The following SUPT3H variants were observed in gnomAD, a reference collection of about 807,000 sequenced individuals.
SUPT3H encodes the protein SPT3 homolog, SAGA and STAGA complex component.
A neutral mutation model predicts 44.3 loss-of-function variants in SUPT3H; 44 were observed. The observed-to-expected ratio is 0.99, with a 90% confidence interval of 0.78 to 1.28. SUPT3H has a LOEUF of 1.28. SUPT3H is among the 50% of genes most tolerant of loss of function. The pLI, the probability that SUPT3H is intolerant of heterozygous loss-of-function variation, is 0.00. For synonymous variants in SUPT3H, 124 were observed against 125.6 expected, an observed-to-expected ratio of 0.99 and a Z score of 0.09; for missense variants, 380 against 387.1, an observed-to-expected ratio of 0.98 and a Z score of 0.15.
chr6:45,293,035 T>C (rs1225117232), intron 2 of SUPT3H, among the ~76,000 whole-genome samples: 1 of 152,078 alleles, frequency 6.6e-6, no homozygotes, highest in East Asian at 2.0e-4. Context: ...AGAATATACA[T>C]TCTATTCAAC....
intron 7 of SUPT3H, among the ~76,000 whole-genome samples, chr6:44,961,149 C>A (rs571671338): frequency 2.1e-4 from 32 of 152,174 alleles, no homozygotes; most frequent in African/African-American, 3.4e-4. Context: ...CTCACTATTA[C>A]GAGTCATTAT....
At chr6:45,183,251 G>A (rs183934637) in intron 2 of SUPT3H, among the ~76,000 whole-genome samples, 1 of 152,264 alleles carries the variant, frequency 6.6e-6, no homozygotes, top group East Asian at 1.9e-4. Context: ...CTTATATAAA[G>A]TATCTAGAAT....
chr6:44,895,717 C>A (rs188366729), intron 10 of SUPT3H, among the ~76,000 whole-genome samples: 115 of 152,070 alleles, frequency 7.6e-4, no homozygotes, highest in African/African-American at 2.7e-3. Flanking sequence ...TATGCACTTA[C>A]CCAGGGCAGA....
intron 3 of SUPT3H, among the ~76,000 whole-genome samples, chr6:45,040,964 C>T (rs375049662): frequency 6.6e-6 from 1 of 152,082 alleles, no homozygotes; most frequent in Non-Finnish European, 1.5e-5. Context: ...CAAATCTCAC[C>T]AGAGAACTGG....
chr6:45,302,514 A>AATATATATATATATATATAT (rs10524207), intron 2 of SUPT3H, among the ~76,000 whole-genome samples: 1 of 105,392 alleles, frequency 9.5e-6, no homozygotes, highest in Non-Finnish European at 1.9e-5. Flanking sequence ...GTATCTCAGG[A>AATATATATATATATATATAT]ATATATATAT....
chr6:45,306,903 A>G (rs762351396), intron 2 of SUPT3H, among the ~76,000 whole-genome samples: 1 of 152,210 alleles, frequency 6.6e-6, no homozygotes, highest in African/African-American at 2.4e-5. Flanking sequence ...AAGCTGGAAA[A>G]TCAGGTCACT....
chr6:44,855,987 T>C (rs1773655242), intron 10 of SUPT3H, among the ~76,000 whole-genome samples: 1 of 152,206 alleles, frequency 6.6e-6, no homozygotes, highest in African/African-American at 2.4e-5. Context: ...TCTGCTACTT[T>C]ATGAGTAAAA....
chr6:45,328,157 GAGAA>G, intron 2 of SUPT3H: 2 of 683,626 alleles, frequency 2.9e-6, no homozygotes, highest in Middle Eastern at 5.5e-4. Context: ...CCTTTTGTGA[GAGAA>G]AGAGAGAGAG....
chr6:45,100,562 A>AAAAAAAAAAAAAAAC (rs1412317865), intron 3 of SUPT3H, among the ~76,000 whole-genome samples: 2 of 149,322 alleles, frequency 1.3e-5, no homozygotes, highest in African/African-American at 4.9e-5. Flanking sequence ...AAAAAAAAAA[A>AAAAAAAAAAAAAAAC]AAGACACACA....
In SUPT3H at chr6:45,062,004, A is replaced by G. The variant is rs1316350675; in HGVS notation, c.187-41372T>C. Among the ~76,000 whole-genome samples the G allele has an allele frequency of 2.0e-5, 3 of 150,002 alleles. No individual in the cohort carries two copies. In the East Asian group the frequency reaches 5.9e-4, roughly 30 times the overall value. ...CACTAAAACACACACTATTAAAATTAGTGTTATTTAATATCCAAATTTTCT... is the reference window on the plus strand; with the variant it reads ...CACTAAAACACACACTATTAAAATTGGTGTTATTTAATATCCAAATTTTCT... On this transcript the variant is annotated intron_variant, in intron 3 of 10. Coordinates refer to ENST00000371459, the MANE Select transcript of SUPT3H (RefSeq NM_003599.4).
chr6:45,180,018 G>C (rs1376737440), intron 2 of SUPT3H, among the ~76,000 whole-genome samples: 1 of 151,886 alleles, frequency 6.6e-6, no homozygotes, highest in Non-Finnish European at 1.5e-5. Context: ...CTTCAGCAAA[G>C]TCTCAGGATA....
intron 3 of SUPT3H, among the ~76,000 whole-genome samples, chr6:45,042,140 T>C (rs761851513): frequency 2.0e-5 from 3 of 152,280 alleles, no homozygotes; most frequent in Non-Finnish European, 4.4e-5. Flanking sequence ...CCATTCAGTC[T>C]GGCTGGGCGT....
intron 2 of SUPT3H, among the ~76,000 whole-genome samples, chr6:45,261,868 G>C (rs1284484241): frequency 2.0e-5 from 3 of 151,988 alleles, no homozygotes; most frequent in Admixed American, 6.6e-5. Flanking sequence ...CTGGTAAACA[G>C]GGTCAGTAAA....
chr6:44,985,528 G>T (rs1254757440), intron 6 of SUPT3H, among the ~76,000 whole-genome samples: 1 of 152,102 alleles, frequency 6.6e-6, no homozygotes, highest in Non-Finnish European at 1.5e-5. Context: ...TGGTGGTTAG[G>T]TTCCCAAGTA....
intron 10 of SUPT3H, among the ~76,000 whole-genome samples, chr6:44,857,060 C>A (rs757398149): frequency 4.6e-5 from 7 of 152,274 alleles, no homozygotes; most frequent in Middle Eastern, 3.4e-3. Context: ...CAACAGTAAG[C>A]AGTCTTTTGA....
At chr6:45,224,053 T>A (rs1429141088) in intron 2 of SUPT3H, among the ~76,000 whole-genome samples, 1 of 149,012 alleles carries the variant, frequency 6.7e-6, no homozygotes, top group Non-Finnish European at 1.5e-5. Context: ...CAAAAACAAA[T>A]CATTTGAAAA....
chr6:45,181,103 A>C (rs1296663792), intron 2 of SUPT3H, among the ~76,000 whole-genome samples: 9 of 151,130 alleles, frequency 6.0e-5, no homozygotes, highest in Non-Finnish European at 1.3e-4. Flanking sequence ...CAGCCAAGAA[A>C]CACATGAAAA....
intron 3 of SUPT3H, among the ~76,000 whole-genome samples, chr6:45,032,339 G>C (rs1787070273): frequency 6.6e-6 from 1 of 152,106 alleles, no homozygotes; most frequent in Non-Finnish European, 1.5e-5. Flanking sequence ...AGGTGACAAA[G>C]TACAGATTTT....
chr6:44,909,907 A>G (rs1338008357), intron 10 of SUPT3H, among the ~76,000 whole-genome samples: 1 of 152,230 alleles, frequency 6.6e-6, no homozygotes, highest in East Asian at 1.9e-4. Flanking sequence ...TACTGGCATG[A>G]ATACAGTGAA....
Sources: allele counts gnomAD v4.1 joint callset (sites outside exome capture counted in the v4.1 genomes callset), GRCh38; gene constraint gnomAD v4.1.1; transcripts MANE v1.5; gene names NCBI Gene and HGNC (gene_info 2026-07-23, HGNC 2026-07-21).